The following PDE8A variants were observed in gnomAD, a reference collection of about 807,000 sequenced individuals.
PDE8A encodes phosphodiesterase 8A, also known as high affinity cAMP-specific and IBMX-insensitive 3',5'-cyclic phosphodiesterase 8A.
A neutral mutation model predicts 105.0 loss-of-function variants in PDE8A; 59 were observed. That is an observed-to-expected ratio of 0.56 (90% CI 0.46 to 0.70). PDE8A has a LOEUF of 0.70. PDE8A is among the 30% of genes least tolerant of loss of function. PDE8A has a pLI of 0.00. For synonymous variants in PDE8A, 355 were observed against 371.9 expected (o/e 0.95, Z 0.52); for missense variants, 1,014 against 1,045.9 (o/e 0.97, Z 0.42).
Position 85,005,738 on chromosome 15 carries a change from A to AC in PDE8A, c.186+23391dup, listed in dbSNP as rs1242808042. Among the ~76,000 whole-genome samples the AC allele has an allele frequency of 3.9e-5, 6 of 152,316 alleles. No homozygotes were observed. In the East Asian group the frequency reaches 1.2e-3, roughly 29 times the overall value. ...ATTCATTCCTCTCAGAATATGGAGG[A>AC]CAGGAGAGTGGGGACAACCTCAGCA... On this transcript the variant is annotated intron_variant, in intron 1 of 21. Transcript: ENST00000394553.
intron 1 of PDE8A, among the ~76,000 whole-genome samples, chr15:84,984,957 G>C (rs2079778799): frequency 6.6e-6 from 1 of 152,022 alleles, no homozygotes. Context: ...CTGGTCTCAA[G>C]CATTTGGGAT....
At chr15:85,082,883 C>G (rs1209024732) in intron 5 of PDE8A, among the ~76,000 whole-genome samples, 1 of 152,220 alleles carries the variant, frequency 6.6e-6, no homozygotes, top group Non-Finnish European at 1.5e-5. Flanking sequence ...CTTCTCAGAA[C>G]TATGTAATTC....
intron 1 of PDE8A, among the ~76,000 whole-genome samples, chr15:85,039,550 T>TA (rs929765854): frequency 4.3e-4 from 63 of 147,360 alleles, no homozygotes; most frequent in East Asian, 5.9e-4. Flanking sequence ...TGGAGGTTCC[T>TA]AAAAAAAAAA....
Position 85,119,474 on chromosome 15 carries a change from A to AAAAAAAAAAAAAAAAAAAAAAAAAAC in PDE8A, c.1735-1316_1735-1315insAAAAAAAAAAAAAAAAAACAAAAAAA, listed in dbSNP as rs1343519750. Among the ~76,000 whole-genome samples, 2 of 150,342 alleles carry AAAAAAAAAAAAAAAAAAAAAAAAAAC rather than the reference A, an allele frequency of 1.3e-5. 1 individual carries two copies. The highest frequency in any genetic ancestry group is 4.9e-5 in the African/African-American group (2 of 41,026). On this transcript the variant is annotated intron_variant, in intron 17 of 21. Coordinates refer to ENST00000394553, the MANE Select transcript of PDE8A (RefSeq NM_002605.3). ...CAGAGCAAGACTCTCGTCTCAAAAA[A>AAAAAAAAAAAAAAAAAAAAAAAAAAC]AAAAAAACATTTATTGAAATGTAAT...
At chr15:85,089,009 G>A (rs2081597487) in intron 6 of PDE8A, among the ~76,000 whole-genome samples, 1 of 152,094 alleles carries the variant, frequency 6.6e-6, no homozygotes, top group Admixed American at 6.5e-5. Flanking sequence ...CTCTAAGGTG[G>A]TGAAAGGGAA....
chr15:85,065,485 A>T (rs1193184635), intron 2 of PDE8A, among the ~76,000 whole-genome samples: 3 of 143,168 alleles, frequency 2.1e-5, no homozygotes, highest in African/African-American at 7.8e-5. Context: ...AGTATAATTA[A>T]AAAAAAAAAA....
Position 85,092,187 on chromosome 15 carries a change from A to T in PDE8A, c.852+1006A>T, listed in dbSNP as rs183400929. ...TCTTGCCTTTCCTATGCCTCTGAGCACACAACATTGCCTTGAAGTGAGAAC... is the reference window on the plus strand; with the variant it reads ...TCTTGCCTTTCCTATGCCTCTGAGCTCACAACATTGCCTTGAAGTGAGAAC... On this transcript the variant is annotated intron_variant, in intron 8 of 21. Transcript: ENST00000394553. 1.7e-4 allele frequency among the ~76,000 whole-genome samples: 26 copies of T among 152,238 alleles called. No homozygotes were observed. In the East Asian group the frequency reaches 5.0e-3, roughly 29 times the overall value.
intron 1 of PDE8A, among the ~76,000 whole-genome samples, chr15:84,983,034 G>T (rs1361985504): frequency 6.6e-6 from 1 of 152,212 alleles, no homozygotes; most frequent in Non-Finnish European, 1.5e-5. Flanking sequence ...GACATTTTGT[G>T]ACTGGGGTTT....
chr15:85,125,526 T>G (rs1446915988), intron 19 of PDE8A, among the ~76,000 whole-genome samples: 3 of 152,226 alleles, frequency 2.0e-5, no homozygotes, highest in Non-Finnish European at 4.4e-5. Context: ...ACTGAAGTTC[T>G]TATCCTGGCT....
At chr15:85,047,725 A>G (rs2080909369) in intron 1 of PDE8A, among the ~76,000 whole-genome samples, 1 of 152,152 alleles carries the variant, frequency 6.6e-6, no homozygotes, top group Admixed American at 6.5e-5. Flanking sequence ...TGTACAAATC[A>G]AGTTATTTCA....
At chr15:85,114,124 G>C (rs1463668937) in intron 14 of PDE8A, 87 bp downstream of exon 14, 1 of 1,158,584 alleles carries the variant, frequency 8.6e-7, no homozygotes, top group Non-Finnish European at 1.3e-6. Flanking sequence ...AGATATTGAA[G>C]AGGCAGGCAG....
chr15:84,981,583 G>C (rs958512183), upstream of PDE8A, among the ~76,000 whole-genome samples: 10 of 152,178 alleles, frequency 6.6e-5, no homozygotes, highest in Non-Finnish European at 1.5e-4. Context: ...TCTAAGGCTA[G>C]CCTTGTACCC....
chr15:84,986,882 T>C (rs2079811139), intron 1 of PDE8A, among the ~76,000 whole-genome samples: 1 of 152,210 alleles, frequency 6.6e-6, no homozygotes, highest in Admixed American at 6.5e-5. Context: ...ACCAAAGTGC[T>C]GGGATTACAG....
chr15:85,008,789 G>C (rs1787941880), intron 1 of PDE8A, among the ~76,000 whole-genome samples: 1 of 152,066 alleles, frequency 6.6e-6, no homozygotes, highest in African/African-American at 2.4e-5. Flanking sequence ...GCCCCTGTCT[G>C]CTGAGCCATC....
chr15:85,115,020 A>C (rs2082074084), intron 14 of PDE8A, among the ~76,000 whole-genome samples: 1 of 152,104 alleles, frequency 6.6e-6, no homozygotes, highest in Non-Finnish European at 1.5e-5. Flanking sequence ...GTTTCCAGGA[A>C]AGCCTCGTGT....
chr15:85,027,761 A>G (rs1464600683), intron 1 of PDE8A, among the ~76,000 whole-genome samples: 1 of 152,238 alleles, frequency 6.6e-6, no homozygotes, highest in Non-Finnish European at 1.5e-5. Context: ...AAAACTAGAA[A>G]ATACAGATAA....
chr15:85,138,413 G>C lies in PDE8A; in HGVS notation c.*510G>C, dbSNP rs908236456. ...AGATGAAAAATTAAAATTTGAACTTGATTATTAATATCAATTAAAATGTTT... is the reference window on the plus strand; with the variant it reads ...AGATGAAAAATTAAAATTTGAACTTCATTATTAATATCAATTAAAATGTTT... On this transcript the variant is annotated 3_prime_UTR_variant, in exon 22 of 22. Coordinates refer to ENST00000394553, the MANE Select transcript of PDE8A (RefSeq NM_002605.3). The C allele has an allele frequency of 6.6e-6, 1 of 152,402 alleles. No individual in the cohort carries two copies. Among genetic ancestry groups the C allele is most frequent in the Admixed American group, 6.6e-5 (1 of 15,246 alleles). 9.4% of individuals were successfully genotyped at this position (152,402 alleles called of 1,614,324 possible). A position where few individuals can be genotyped will look rare whatever the true frequency, so the allele number is the denominator to read the frequency against.
chr15:85,133,185 A>G (rs140091240), intron 20 of PDE8A, among the ~76,000 whole-genome samples: 24 of 152,218 alleles, frequency 1.6e-4, no homozygotes, highest in African/African-American at 5.5e-4. Context: ...CAGATGTCTT[A>G]ATTTCCTGAA....
At chr15:85,051,195 G>T (rs1325249494) in intron 1 of PDE8A, among the ~76,000 whole-genome samples, 1 of 152,048 alleles carries the variant, frequency 6.6e-6, no homozygotes, top group Non-Finnish European at 1.5e-5. Context: ...GTTCTAACAG[G>T]CTTTTGTGTA....
Sources: gnomAD v4.1 joint callset for allele counts (sites outside exome capture counted in the v4.1 genomes callset) on GRCh38, gnomAD v4.1.1 for gene constraint, MANE v1.5 for transcripts, NCBI Gene and HGNC (gene_info 2026-07-23, HGNC 2026-07-21) for gene names.